The following KDM2A variants were observed in gnomAD, a reference collection of about 807,000 sequenced individuals.
The protein encoded by KDM2A is lysine-specific demethylase 2A.
A neutral mutation model predicts 137.3 loss-of-function variants in KDM2A; 3 were observed. That is an observed-to-expected ratio of 0.02 (90% CI 0.01 to 0.06). The LOEUF (loss-of-function observed/expected upper bound fraction) is 0.06. KDM2A is among the 10% of genes least tolerant of loss of function. KDM2A has a pLI of 1.00. For synonymous variants in KDM2A, 512 were observed against 541.5 expected, an observed-to-expected ratio of 0.95 and a Z score of 0.76; for missense variants, 738 against 1,510.6, an observed-to-expected ratio of 0.49 and a Z score of 8.48.
chr11:67,136,361 T>C (rs1165989662), intron 2 of KDM2A, among the ~76,000 whole-genome samples: 1 of 152,220 alleles, frequency 6.6e-6, no homozygotes, highest in East Asian at 1.9e-4. Context: ...ATACTGCCTC[T>C]TCATCAACTT....
chr11:67,171,172 A>G (rs916302222), intron 2 of KDM2A, among the ~76,000 whole-genome samples: 1 of 152,164 alleles, frequency 6.6e-6, no homozygotes, highest in African/African-American at 2.4e-5. Flanking sequence ...AGCCTTTAAC[A>G]TCTGTTTGAT....
intron 2 of KDM2A, chr11:67,149,024 C>G (rs1048023942): frequency 6.6e-6 from 1 of 151,648 alleles, no homozygotes; most frequent in African/African-American, 2.4e-5. Flanking sequence ...CAAGAAATAT[C>G]CCAAAACGTT....
intron 12 of KDM2A, among the ~76,000 whole-genome samples, chr11:67,234,845 C>G (rs1468892981): frequency 6.6e-6 from 1 of 151,394 alleles, no homozygotes; most frequent in Admixed American, 6.6e-5. Context: ...AGAGTGAGAC[C>G]TTGTCTCAAA....
Position 67,121,294 on chromosome 11 carries a change from T to C in KDM2A, c.-23T>C. 1 of 1,612,156 alleles carries C rather than the reference T, an allele frequency of 6.2e-7. No individual in the cohort carries two copies. Among genetic ancestry groups the C allele is most frequent in the Non-Finnish European group, 8.5e-7 (1 of 1,178,320 alleles). ...CAGCCCTGGAGTGGTTTCTTTACAG[T>C]AATTTCAACAGAAGAGTGAGAGATG... On this transcript the variant is annotated 5_prime_UTR_variant, in exon 2 of 21. Coordinates refer to ENST00000529006, the MANE Select transcript of KDM2A (RefSeq NM_012308.3).
chr11:67,250,650 G>A lies in KDM2A; in HGVS notation c.2620G>A (p.Gly874Ser). Residue 874 changes from glycine (G) to serine (S), a missense_variant, in exon 17 of 21, where the codon GGT (glycine) becomes AGT (serine). Physicochemically the swap from Gly to Ser is moderately conservative, Grantham distance 56. Coordinates refer to ENST00000529006, the MANE Select transcript of KDM2A (RefSeq NM_012308.3). The surrounding 1 kb of genome is among the most constrained non-coding windows in gnomAD (Gnocchi z 7.1). The part of the protein sequence containing the change: ...EEEDDSAEEG[G>S]AARLNGRGSW... ...GGAAGATGACAGTGCAGAGGAGGGG[G>A]GTGCAGCCAGGCTGAATGGCCGGGG... 6.2e-7 allele frequency: 1 copy of A among 1,608,854 alleles called. No homozygotes were observed. Among genetic ancestry groups the A allele is most frequent in the East Asian group, 2.2e-5 (1 of 44,760 alleles).
At chr11:67,162,845 C>G (rs887107776) in intron 2 of KDM2A, among the ~76,000 whole-genome samples, 1 of 152,124 alleles carries the variant, frequency 6.6e-6, no homozygotes, top group Non-Finnish European at 1.5e-5. Flanking sequence ...TCCCAAGTAG[C>G]TGGGACTGTA....
intron 5 of KDM2A, among the ~76,000 whole-genome samples, chr11:67,182,655 C>T (rs1214802585): frequency 6.6e-6 from 1 of 152,068 alleles, no homozygotes; most frequent in Non-Finnish European, 1.5e-5. Context: ...ACCTCAGCCT[C>T]CCGAGTAGCT....
At chr11:67,137,837 G>A (rs375108679) in intron 2 of KDM2A, among the ~76,000 whole-genome samples, 74 of 152,148 alleles carry the variant, frequency 4.9e-4, no homozygotes, top group African/African-American at 1.6e-3. Flanking sequence ...CAGCTCTGTC[G>A]CCCAGGCTGG....
chr11:67,124,149 G>C (rs1200243379), intron 2 of KDM2A, among the ~76,000 whole-genome samples: 2 of 150,512 alleles, frequency 1.3e-5, no homozygotes, highest in African/African-American at 4.9e-5. Flanking sequence ...GACTACAGGT[G>C]CCCACCACCA....
At chr11:67,184,606 G>A (rs1423040586) in intron 5 of KDM2A, among the ~76,000 whole-genome samples, 1 of 152,178 alleles carries the variant, frequency 6.6e-6, no homozygotes, top group Non-Finnish European at 1.5e-5. Flanking sequence ...CAGCCTGGGT[G>A]ACAGAGCGAG....
intron 5 of KDM2A, among the ~76,000 whole-genome samples, chr11:67,186,830 G>A (rs1857218124): frequency 6.6e-6 from 1 of 152,184 alleles, no homozygotes; most frequent in African/African-American, 2.4e-5. Flanking sequence ...CTACTCAGTA[G>A]GCTGAGGTGG....
intron 2 of KDM2A, among the ~76,000 whole-genome samples, chr11:67,158,210 G>A (rs1327005014): frequency 6.6e-6 from 1 of 152,058 alleles, no homozygotes; most frequent in Non-Finnish European, 1.5e-5. Flanking sequence ...TTTCAGACTG[G>A]TTAGCAGTAT....
chr11:67,242,134 C>T (rs1859062469), intron 12 of KDM2A, among the ~76,000 whole-genome samples: 1 of 152,158 alleles, frequency 6.6e-6, no homozygotes, highest in South Asian at 2.1e-4. Flanking sequence ...GTGTGATTCA[C>T]TTAAGTGGCA....
At chr11:67,143,503 T>C (rs1295550703) in intron 2 of KDM2A, 1 of 152,150 alleles carries the variant, frequency 6.6e-6, no homozygotes, top group Non-Finnish European at 1.5e-5. Context: ...TACTACTCAG[T>C]CAAGATTTGA....
intron 11 of KDM2A, among the ~76,000 whole-genome samples, chr11:67,228,649 G>A (rs1456236370): frequency 1.4e-5 from 2 of 146,550 alleles, no homozygotes; most frequent in African/African-American, 5.1e-5. Flanking sequence ...TCATGCCACT[G>A]CACTCTAGCC....
chr11:67,232,534 G>A (rs1858746161), intron 12 of KDM2A, among the ~76,000 whole-genome samples: 1 of 152,118 alleles, frequency 6.6e-6, no homozygotes, highest in South Asian at 2.1e-4. Flanking sequence ...TGTGCACAAC[G>A]TGCAGGTTTA....
intron 12 of KDM2A, among the ~76,000 whole-genome samples, chr11:67,241,770 C>G (rs925972755): frequency 6.6e-6 from 1 of 152,118 alleles, no homozygotes; most frequent in Non-Finnish European, 1.5e-5. Context: ...GAGTTTCTGT[C>G]TAAAACGAAA....
Position 67,180,170 on chromosome 11 carries a change from A to T in KDM2A, c.134A>T (p.His45Leu). ...ACTTTTGACTTGGAAGAGAAACTGC[A>T]CACCAACAAATATAATGCCAATTTT... is the stretch of plus-strand genomic sequence containing the variant. ...KRTFDLEEKL[H>L]TNKYNANFVT... is the part of the protein sequence containing the mutation. The change falls in exon 3 of 21, where the codon CAC (histidine) becomes CTC (leucine). Residue 45 changes from histidine to leucine, a missense_variant. Coordinates refer to ENST00000529006, the MANE Select transcript of KDM2A (RefSeq NM_012308.3). 6.2e-7 allele frequency: 1 copy of T among 1,613,944 alleles called. No homozygotes were observed. Among genetic ancestry groups the T allele is most frequent in the Non-Finnish European group, 8.5e-7 (1 of 1,179,838 alleles).
intron 2 of KDM2A, among the ~76,000 whole-genome samples, chr11:67,127,936 C>A (rs2136280560): frequency 6.6e-6 from 1 of 151,092 alleles, no homozygotes; most frequent in South Asian, 2.1e-4. Flanking sequence ...AAACTCCCGA[C>A]CTCAGGCAGG....
Sources: gnomAD v4.1 joint callset for allele counts (sites outside exome capture counted in the v4.1 genomes callset) on GRCh38, gnomAD v4.1.1 for gene constraint, Gnocchi (gnomAD v3.1) non-coding constraint, MANE v1.5 for transcripts, NCBI Gene and HGNC (gene_info 2026-07-23, HGNC 2026-07-21) for gene names.